Variants in ZRANB3 observed in about 807,000 individuals in gnomAD.
ZRANB3 encodes DNA annealing helicase and endonuclease ZRANB3.
Under a neutral mutation model 133.8 loss-of-function variants are expected in ZRANB3, and 125 were observed. The observed-to-expected ratio is 0.93, with a 90% CI of 0.81 to 1.08. The LOEUF is 1.08. Among genes scored for constraint, ZRANB3 ranks in the 50% least tolerant of loss-of-function variants. ZRANB3 has a pLI of 0.00. For synonymous variants in ZRANB3, 387 were observed against 432.7 expected (o/e 0.89, Z 1.31); for missense variants, 1,229 against 1,275.5 (o/e 0.96, Z 0.56).
intron 3 of ZRANB3, among the ~76,000 whole-genome samples, chr2:135,367,066 C>A (rs1236856104): frequency 6.6e-6 from 1 of 151,964 alleles, no homozygotes. Context: ...AACGTTGGCA[C>A]CAATGATTTT....
At position 135,230,532 on chromosome 2, in the gene ZRANB3, C is replaced by CTCA. The variant is rs767699370; in HGVS notation, c.1932_1934dup (p.Cys644_Glu645insAsp). On this transcript the variant is annotated inframe_insertion, in exon 13 of 21. Transcript: ENST00000264159. ...ACTCACCAGCACTGCCTTGAGGAGT[C>CTCA]TCACACATTTCACAATAAGGTAACT... is the stretch of plus-strand genomic sequence containing the variant. The CTCA allele has an allele frequency of 1.9e-6, 3 of 1,547,520 alleles. No homozygotes were observed. The African/African-American group carries it at 4.1e-5, about 21-fold the overall frequency.
chr2:135,346,116 A>C lies in ZRANB3; in HGVS notation c.592-481T>G, dbSNP rs1684910495. 2.6e-5 allele frequency among the ~76,000 whole-genome samples: 4 copies of C among 152,308 alleles called. No individual in the cohort carries two copies. The South Asian group carries it at 8.3e-4, about 32-fold the overall frequency. ...TGTTTTGTTTTGTTTTTTGTTTTTGAGACGGAGTCTCGCTCTGTCGCCCAG... is the reference window on the plus strand; with the variant it reads ...TGTTTTGTTTTGTTTTTTGTTTTTGCGACGGAGTCTCGCTCTGTCGCCCAG... On this transcript the variant is annotated intron_variant, in intron 5 of 20. Coordinates refer to ENST00000264159, the MANE Select transcript of ZRANB3 (RefSeq NM_032143.4).
Position 135,422,689 on chromosome 2 carries a change from C to T in ZRANB3, c.162-31869G>A, listed in dbSNP as rs189467080. 2.0e-3 allele frequency among the ~76,000 whole-genome samples: 297 copies of T among 152,112 alleles called. 1 individual carries two copies. Among genetic ancestry groups the T allele is most frequent in the African/African-American group, 7.0e-3 (290 of 41,502 alleles). The stretch of plus-strand genomic sequence containing the variant: ...AACCCCCAAAGAGCCCAGAAAATGA[C>T]AGAAAAAGGTATTACTGCAGGAGGA... On this transcript the variant is annotated intron_variant, in intron 2 of 20. Coordinates refer to ENST00000264159, the MANE Select transcript of ZRANB3 (RefSeq NM_032143.4).
chr2:135,445,995 A>G (rs954493114), intron 2 of ZRANB3, among the ~76,000 whole-genome samples: 1 of 151,888 alleles, frequency 6.6e-6, no homozygotes, highest in Non-Finnish European at 1.5e-5. Context: ...ACATGAGGTC[A>G]GGAGTTCGAG....
chr2:135,473,350 A>T (rs1461557908), intron 2 of ZRANB3, among the ~76,000 whole-genome samples: 2 of 152,186 alleles, frequency 1.3e-5, no homozygotes, highest in East Asian at 3.8e-4. Context: ...ACATACCAAC[A>T]CCACAAAAAT....
chr2:135,468,368 A>C (rs1168659077), intron 2 of ZRANB3, among the ~76,000 whole-genome samples: 1 of 152,122 alleles, frequency 6.6e-6, no homozygotes, highest in Admixed American at 6.5e-5. Context: ...GTCCTTTAAA[A>C]CCCAGTTTAG....
At chr2:135,256,001 C>A (rs1302087047) in intron 12 of ZRANB3, among the ~76,000 whole-genome samples, 1 of 151,234 alleles carries the variant, frequency 6.6e-6, no homozygotes, top group East Asian at 1.9e-4. Flanking sequence ...ACAGACTCGA[C>A]CGCCCTGGGC....
intron 2 of ZRANB3, among the ~76,000 whole-genome samples, chr2:135,392,209 G>A (rs1297648623): frequency 1.3e-5 from 2 of 151,998 alleles, no homozygotes; most frequent in Non-Finnish European, 2.9e-5. Flanking sequence ...AGTGGCTCAG[G>A]AGGGTGAGGT....
chr2:135,398,127 G>A (rs1046460022), intron 2 of ZRANB3, among the ~76,000 whole-genome samples: 1 of 151,854 alleles, frequency 6.6e-6, no homozygotes, highest in Non-Finnish European at 1.5e-5. Flanking sequence ...GTGCAGTGGC[G>A]CCATCTCCGC....
intron 3 of ZRANB3, among the ~76,000 whole-genome samples, chr2:135,360,522 G>A (rs559658388): frequency 1.2e-4 from 18 of 151,506 alleles, no homozygotes; most frequent in East Asian, 2.0e-4. Context: ...TGGCTAACAC[G>A]GTGAAACCCC....
intron 2 of ZRANB3, among the ~76,000 whole-genome samples, chr2:135,482,759 T>A (rs1691887085): frequency 6.6e-6 from 1 of 152,248 alleles, no homozygotes; most frequent in Non-Finnish European, 1.5e-5. Flanking sequence ...GGGTTTGTCA[T>A]AGATAGCTCT....
Position 135,294,201 on chromosome 2 carries a change from T to G in ZRANB3, c.967-18446A>C, listed in dbSNP as rs540892203. 2.1e-4 allele frequency among the ~76,000 whole-genome samples: 32 copies of G among 152,358 alleles called. No individual in the cohort carries two copies. The South Asian group carries it at 5.6e-3, about 27-fold the overall frequency. ...GCTCTTCCTTGTACCTCTCATAGAA[T>G]TTGGATATGAATCCATCTGGTCCTG... On this transcript the variant is annotated intron_variant, in intron 8 of 20. Transcript: ENST00000264159.
intron 2 of ZRANB3, among the ~76,000 whole-genome samples, chr2:135,442,930 C>T (rs1689845242): frequency 1.3e-5 from 2 of 151,968 alleles, no homozygotes; most frequent in African/African-American, 4.8e-5. Context: ...TCCTAGCTAA[C>T]ATGGTGAAAC....
At chr2:135,518,123 C>T (rs900604679) in intron 1 of ZRANB3, among the ~76,000 whole-genome samples, 26 of 152,102 alleles carry the variant, frequency 1.7e-4, no homozygotes, top group African/African-American at 6.0e-4. Flanking sequence ...CAAGCTCGAC[C>T]GTCCCAGATA....
At chr2:135,462,530 CCTTT>C (rs1202503065) in intron 2 of ZRANB3, among the ~76,000 whole-genome samples, 9 of 151,734 alleles carry the variant, frequency 5.9e-5, no homozygotes, top group East Asian at 3.9e-4. Context: ...TAATTTTCTT[CCTTT>C]CTTTCCCTTC....
At chr2:135,409,152 A>C (rs1426321534) in intron 2 of ZRANB3, among the ~76,000 whole-genome samples, 1 of 152,012 alleles carries the variant, frequency 6.6e-6, no homozygotes, top group Admixed American at 6.6e-5. Context: ...TCATATGGCA[A>C]ATGTAGGAGC....
In ZRANB3 at chr2:135,281,662, G is replaced by C. The variant is rs113007240; in HGVS notation, c.967-5907C>G. Among the ~76,000 whole-genome samples, 62 of 152,148 alleles carry C rather than the reference G, an allele frequency of 4.1e-4. 1 individual carries two copies. Among genetic ancestry groups the C allele is most frequent in the African/African-American group, 1.4e-3 (57 of 41,514 alleles). On this transcript the variant is annotated intron_variant, in intron 8 of 20. Transcript: ENST00000264159. ...AGACAACAGAAGACAGAAGAACCTG[G>C]GTTCTCTCTCTTTTTTAAAAAATAG... is the stretch of plus-strand genomic sequence containing the variant.
chr2:135,333,205 C>A lies in ZRANB3; in HGVS notation c.677+12345G>T, dbSNP rs141602320. On this transcript the variant is annotated intron_variant, in intron 6 of 20. Transcript: ENST00000264159. ...TTTAACCCTCTATTTTTCCATTTCT[C>A]TGAACCTATGATTGTCCTTCCCATT... 6.9e-3 allele frequency among the ~76,000 whole-genome samples: 1,046 copies of A among 152,218 alleles called. 8 individuals are homozygous for A. The highest frequency in any genetic ancestry group is 9.5e-3 in the Non-Finnish European group (643 of 68,002).
intron 8 of ZRANB3, among the ~76,000 whole-genome samples, chr2:135,312,606 G>T (rs1683050269): frequency 6.6e-6 from 1 of 152,030 alleles, no homozygotes; most frequent in African/African-American, 2.4e-5. Flanking sequence ...AACAGAATGT[G>T]AGCAAAATTA....
Sources: allele counts gnomAD v4.1 joint callset (sites outside exome capture counted in the v4.1 genomes callset), GRCh38; gene constraint gnomAD v4.1.1; transcripts MANE v1.5; gene names NCBI Gene and HGNC (gene_info 2026-07-23, HGNC 2026-07-21).